KPNA1: variants seen among roughly 807,000 people sequenced by gnomAD.
KPNA1 encodes importin subunit alpha-5.
A neutral mutation model predicts 70.5 loss-of-function variants in KPNA1; 10 were observed. The observed-to-expected ratio is 0.14, with a 90% CI of 0.09 to 0.24. The LOEUF (loss-of-function observed/expected upper bound fraction) is 0.24, where lower values mean the gene tolerates loss of function less well. KPNA1 is among the 10% of genes least tolerant of loss of function. The probability of loss-of-function intolerance (pLI) is 1.00; values close to 1 mark genes in which losing one functional copy is unlikely to be tolerated. For synonymous variants in KPNA1, 192 were observed against 221.9 expected, an observed-to-expected ratio of 0.87 and a Z score of 1.20; for missense variants, 397 against 637.9, an observed-to-expected ratio of 0.62 and a Z score of 4.07.
intron 5 of KPNA1, chr3:122,459,405 C>T (rs1189023016): frequency 1.0e-6 from 1 of 984,900 alleles, no homozygotes; most frequent in Non-Finnish European, 1.2e-6. Context: ...GAAAGAAACA[C>T]TTTTTTCAGC....
intron 2 of KPNA1, among the ~76,000 whole-genome samples, chr3:122,491,228 T>C (rs901930412): frequency 4.6e-5 from 7 of 152,218 alleles, no homozygotes; most frequent in Non-Finnish European, 8.8e-5. Flanking sequence ...ATTACATCTA[T>C]TGGTATTGCA....
chr3:122,457,958 G>C (rs535975921), intron 5 of KPNA1: 940 of 951,994 alleles, frequency 9.9e-4, no homozygotes, highest in Non-Finnish European at 1.2e-3. Context: ...GAAAGGCAGA[G>C]AGATCAATGA....
chr3:122,456,168 T>C (rs915363235), intron 5 of KPNA1, among the ~76,000 whole-genome samples: 3 of 152,170 alleles, frequency 2.0e-5, no homozygotes, highest in Non-Finnish European at 4.4e-5. Context: ...AGATTATTTA[T>C]ACTAAAAAAG....
At chr3:122,449,512 A>C in intron 9 of KPNA1, 62 bp downstream of exon 9, 1 of 1,289,142 alleles carries the variant, frequency 7.8e-7, no homozygotes, top group Admixed American at 2.1e-5. Flanking sequence ...TTTAAGTATT[A>C]GCAGCTAGAA....
intron 5 of KPNA1, among the ~76,000 whole-genome samples, chr3:122,454,414 G>C (rs2076243952): frequency 6.6e-6 from 1 of 152,332 alleles, no homozygotes; most frequent in Admixed American, 6.5e-5. Flanking sequence ...GAATGAGTTA[G>C]AGGAAACTAA....
intron 1 of KPNA1, 160 bp downstream of exon 1, chr3:122,514,597 T>A (rs528447186): frequency 6.7e-6 from 1 of 150,320 alleles, no homozygotes; most frequent in South Asian, 2.0e-4. Context: ...GCCGGGCCCG[T>A]GACGCACGGA....
intron 2 of KPNA1, among the ~76,000 whole-genome samples, chr3:122,474,271 T>C (rs1002542070): frequency 6.6e-6 from 1 of 152,202 alleles, no homozygotes; most frequent in Non-Finnish European, 1.5e-5. Flanking sequence ...ATGTCAGTGC[T>C]TCCCAACTAG....
chr3:122,498,623 T>C (rs2076790127), intron 1 of KPNA1, among the ~76,000 whole-genome samples: 1 of 152,234 alleles, frequency 6.6e-6, no homozygotes, highest in African/African-American at 2.4e-5. Context: ...TGTATCCCTG[T>C]GTCAGCCCCA....
intron 9 of KPNA1, among the ~76,000 whole-genome samples, chr3:122,447,234 G>C (rs563016457): frequency 3.3e-5 from 5 of 152,140 alleles, no homozygotes; most frequent in Non-Finnish European, 7.3e-5. Context: ...GAAAATTTTA[G>C]ACCAATATCC....
chr3:122,446,595 C>A (rs927342500), intron 9 of KPNA1, among the ~76,000 whole-genome samples: 1 of 152,174 alleles, frequency 6.6e-6, no homozygotes, highest in Non-Finnish European at 1.5e-5. Flanking sequence ...CAACACCCAA[C>A]ATCACCATTA....
chr3:122,462,951 G>A lies in KPNA1; in HGVS notation c.337+991C>T, dbSNP rs549708541. Among the ~76,000 whole-genome samples, 17 of 152,148 alleles carry A rather than the reference G, an allele frequency of 1.1e-4. No individual in the cohort carries two copies. In the South Asian group the frequency reaches 2.7e-3, roughly 24 times the overall value. ...AAAAAAGTACTTACCAGCCGGGTGC[G>A]GTGGCTCATGCCTGTAATCCCAGTA... On this transcript the variant is annotated intron_variant, in intron 4 of 13. Transcript: ENST00000344337.
chr3:122,429,113 GC>G, intron 12 of KPNA1, among the ~76,000 whole-genome samples: 1 of 152,188 alleles, frequency 6.6e-6, no homozygotes, highest in South Asian at 2.1e-4. Context: ...TTCAACGGAT[GC>G]AAAAAAGCAT....
intron 5 of KPNA1, among the ~76,000 whole-genome samples, chr3:122,454,443 G>C (rs1223334441): frequency 1.3e-5 from 2 of 152,202 alleles, no homozygotes; most frequent in African/African-American, 4.8e-5. Flanking sequence ...TGCCTGCATA[G>C]AAAGGTGATG....
chr3:122,453,940 A>G lies in KPNA1; in HGVS notation c.494T>C (p.Val165Ala), dbSNP rs1437578416. Residue 165 changes from valine to alanine, a missense_variant, in exon 6 of 14, where the codon GTG becomes GCG. Physicochemically the swap from Val to Ala is moderately conservative, Grantham distance 64 (BLOSUM62 0). Transcript: ENST00000344337. ...ASGNSLQTRIVIQAGAVPIFI... is the reference protein window; with the variant it reads ...ASGNSLQTRIAIQAGAVPIFI... ...GATGGGCACAGCTCCTGCCTGAATC[A>G]CAATTCGGGTCTGAAGAGAATTTCC... 6.2e-7 allele frequency: 1 copy of G among 1,612,980 alleles called. No homozygotes were observed. Among genetic ancestry groups the G allele is most frequent in the Non-Finnish European group, 8.5e-7 (1 of 1,179,022 alleles).
chr3:122,444,111 C>T (rs772636630), intron 9 of KPNA1, among the ~76,000 whole-genome samples: 1 of 152,198 alleles, frequency 6.6e-6, no homozygotes, highest in Non-Finnish European at 1.5e-5. Context: ...CAGGGCTGTT[C>T]CTTGCTGAGA....
intron 2 of KPNA1, among the ~76,000 whole-genome samples, chr3:122,483,903 A>C (rs910692883): frequency 6.6e-5 from 10 of 152,344 alleles, no homozygotes; most frequent in African/African-American, 2.2e-4. Flanking sequence ...ACAAAATGGC[A>C]ATATGGAATC....
chr3:122,464,020 T>C lies in KPNA1; in HGVS notation c.259A>G (p.Met87Val). The C allele has an allele frequency of 2.5e-6, 4 of 1,595,178 alleles. No individual in the cohort carries two copies. The highest frequency in any genetic ancestry group is 3.4e-6 in the Non-Finnish European group (4 of 1,168,610). The change falls in exon 4 of 14, where the codon ATG (methionine) becomes GTG (valine). Residue 87 changes from methionine to valine, a missense_variant. Met to Val is a conservative substitution (Grantham distance 21). Transcript: ENST00000344337. ...CTTTTGGAAAATATCATTTCAATCA[T>C]GTCAGAAGTGATGACACCACCCTGC... ...MAPGGVITSD[M>V]IEMIFSKSPE...
At position 122,503,987 on chromosome 3, in the gene KPNA1, G is replaced by A. The variant is rs554069122; in HGVS notation, c.-5-7417C>T. Reference sequence around the variant, plus strand: ...ACAGGTGGAACACAGAAGAATTCTAGGGCAGGAAAACTATTCTGTATGATA... The same window carrying A: ...ACAGGTGGAACACAGAAGAATTCTAAGGCAGGAAAACTATTCTGTATGATA... On this transcript the variant is annotated intron_variant, in intron 1 of 13. Transcript: ENST00000344337. 1.6e-4 allele frequency among the ~76,000 whole-genome samples: 24 copies of A among 152,276 alleles called. No individual in the cohort carries two copies. In the South Asian group the frequency reaches 5.0e-3, roughly 32 times the overall value.
In KPNA1 at chr3:122,461,244, T is replaced by C; in HGVS notation, c.412A>G (p.Lys138Glu). The part of the protein sequence containing the change: ...VARFVEFLKR[K>E]ENCTLQFESA... ...CGCACCTGCAGTGTACAATTCTCTT[T>C]TCGTTTGAGGAACTCCACAAACCTG... The change falls in exon 5 of 14, where the codon AAA (lysine) becomes GAA (glutamate). Residue 138 changes from lysine (K) to glutamate (E), a missense_variant. Transcript: ENST00000344337. 6.2e-7 allele frequency: 1 copy of C among 1,612,302 alleles called. No homozygotes were observed. The highest frequency in any genetic ancestry group is 2.2e-5 in the East Asian group (1 of 44,840).
Sources: gnomAD v4.1 joint callset for allele counts (sites outside exome capture counted in the v4.1 genomes callset) on GRCh38, gnomAD v4.1.1 for gene constraint, MANE v1.5 for transcripts, NCBI Gene and HGNC (gene_info 2026-07-23, HGNC 2026-07-21) for gene names.